YWHAE: variants seen among roughly 807,000 people sequenced by gnomAD.
YWHAE encodes the protein 14-3-3 protein epsilon.
YWHAE carries 4 observed loss-of-function variants against 30.1 expected under a neutral mutation model. That is an observed-to-expected ratio of 0.13 (90% CI 0.07 to 0.30). The LOEUF is 0.30. Ranked by LOEUF, YWHAE falls within the 10% of genes least tolerant of loss-of-function variation. The pLI, the probability that YWHAE is intolerant of heterozygous loss-of-function variation, is 1.00. For synonymous variants in YWHAE, 118 were observed against 111.8 expected (o/e 1.06, Z -0.35); for missense variants, 121 against 315.9 (o/e 0.38, Z 4.68).
chr17:1,345,465 C>A lies in YWHAE; in HGVS notation c.750G>T (p.Val250=), dbSNP rs754152426. The A allele has an allele frequency of 6.2e-7, 1 of 1,613,734 alleles. No individual in the cohort carries two copies. The change falls in exon 6 of 6, where the codon GTG becomes GTT. Residue 250 remains valine (V), a synonymous_variant. Coordinates refer to ENST00000264335, the MANE Select transcript of YWHAE (RefSeq NM_006761.5). ...TTATGTCTCACTGATTTTCGTCTTC[C>A]ACGTCCTGCAGCGCTTCTTTATTCT... ...EEQNKEALQD[V]EDENQ is the part of the protein sequence containing the mutation.
intron 5 of YWHAE, 135 bp from the exon 6 acceptor site, chr17:1,345,634 TC>T: frequency 1.2e-6 from 1 of 849,450 alleles, no homozygotes; most frequent in Non-Finnish European, 1.9e-6. Flanking sequence ...GCAAAGGACT[TC>T]TATCATCCTT....
intron 5 of YWHAE, 67 bp from the exon 6 acceptor site, chr17:1,345,566 A>C: frequency 6.6e-7 from 1 of 1,521,902 alleles, no homozygotes; most frequent in Non-Finnish European, 9.1e-7. Flanking sequence ...GCCACAAACA[A>C]AGGTGTCATT....
chr17:1,389,968 C>T (rs935184240), intron 1 of YWHAE, among the ~76,000 whole-genome samples: 56 of 151,996 alleles, frequency 3.7e-4, no homozygotes, highest in African/African-American at 1.0e-3. Flanking sequence ...CTCAGCCTCC[C>T]GAGGAGCTGG....
At chr17:1,369,023 A>T (rs1442114204) in intron 1 of YWHAE, among the ~76,000 whole-genome samples, 3 of 152,252 alleles carry the variant, frequency 2.0e-5, no homozygotes, top group African/African-American at 7.2e-5. Context: ...TATAATGCAA[A>T]GAGAAATATA....
intron 1 of YWHAE, among the ~76,000 whole-genome samples, chr17:1,387,725 C>T (rs1029796650): frequency 6.6e-6 from 1 of 151,922 alleles, no homozygotes. Context: ...CGAGTTCAAG[C>T]GATTCTGCTG....
At chr17:1,395,721 C>T (rs937788518) in intron 1 of YWHAE, among the ~76,000 whole-genome samples, 13 of 151,964 alleles carry the variant, frequency 8.6e-5, no homozygotes, top group Non-Finnish European at 1.6e-4. Context: ...CTATTTTTTT[C>T]CTAACAAGAC....
intron 1 of YWHAE, among the ~76,000 whole-genome samples, chr17:1,374,138 C>G (rs963764649): frequency 2.6e-5 from 4 of 151,998 alleles, no homozygotes; most frequent in Non-Finnish European, 5.9e-5. Context: ...CATGGCAAAA[C>G]CCCGTCTCTA....
At chr17:1,355,498 A>G (rs1400404546) in intron 4 of YWHAE, among the ~76,000 whole-genome samples, 2 of 151,998 alleles carry the variant, frequency 1.3e-5, no homozygotes, top group Non-Finnish European at 2.9e-5. Flanking sequence ...CTCAAAGTTT[A>G]AAAAAATTTA....
At chr17:1,381,686 C>T (rs909845017) in intron 1 of YWHAE, among the ~76,000 whole-genome samples, 11 of 151,936 alleles carry the variant, frequency 7.2e-5, no homozygotes, top group African/African-American at 2.4e-4. Flanking sequence ...GAGGCCAACG[C>T]GGGTGGATCG....
At chr17:1,359,809 TTGTTGTGTGTGTGTG>T (rs2150848123) in intron 4 of YWHAE, among the ~76,000 whole-genome samples, 1 of 117,464 alleles carries the variant, frequency 8.5e-6, no homozygotes, top group African/African-American at 3.4e-5. Flanking sequence ...TGCCACTAAA[TTGTTGTGTGTGTGTG>T]TGTGTGTGTG....
At chr17:1,361,710 AAAG>A (rs2072867738) in intron 3 of YWHAE, 189 bp downstream of exon 3, 1 of 512,518 alleles carries the variant, frequency 2.0e-6, no homozygotes, top group Non-Finnish European at 3.5e-6. Flanking sequence ...CACAAAAACA[AAAG>A]AATATAAATA....
chr17:1,383,328 C>A (rs574048730), intron 1 of YWHAE, among the ~76,000 whole-genome samples: 6 of 150,968 alleles, frequency 4.0e-5, no homozygotes, highest in Non-Finnish European at 7.4e-5. Flanking sequence ...CCAGCCTGGG[C>A]AACAAGAGCG....
At position 1,345,499 on chromosome 17, in the gene YWHAE, C is replaced by G; in HGVS notation, c.716G>C (p.Gly239Ala). The change falls in exon 6 of 6, where the codon GGT becomes GCT. Residue 239 changes from glycine to alanine, a missense_variant and splice_region_variant. Physicochemically the swap from Gly to Ala is moderately conservative, Grantham distance 60. Transcript: ENST00000264335. ...TLWTSDMQGD[G>A]EEQNKEALQD... The stretch of plus-strand genomic sequence containing the variant: ...CAGCGCTTCTTTATTCTGCTCTTCA[C>G]CTGTTAAAAAAGAAAAAAAGTCAAT... 6.2e-7 allele frequency: 1 copy of G among 1,613,564 alleles called. No individual in the cohort carries two copies. The highest frequency in any genetic ancestry group is 1.1e-5 in the South Asian group (1 of 91,062).
At chr17:1,357,209 C>G (rs1405169390) in intron 4 of YWHAE, among the ~76,000 whole-genome samples, 1 of 151,912 alleles carries the variant, frequency 6.6e-6, no homozygotes, top group Admixed American at 6.6e-5. Flanking sequence ...CGAGACCATC[C>G]TGGCTAACAC....
rs535783322 is a variant in YWHAE, at chr17:1,362,557, G to A, written c.265-549C>T. 7.9e-5 allele frequency among the ~76,000 whole-genome samples: 12 copies of A among 152,066 alleles called. No homozygotes were observed. The South Asian group carries it at 1.9e-3, about 24-fold the overall frequency. On this transcript the variant is annotated intron_variant, in intron 2 of 5. Transcript: ENST00000264335. ...GCAATTCCTTTAGTGGCAGAGATCCGTAACTATTAAAACACCGAAAACCTA... is the reference window on the plus strand; with the variant it reads ...GCAATTCCTTTAGTGGCAGAGATCCATAACTATTAAAACACCGAAAACCTA...
At chr17:1,392,071 A>G (rs1204637568) in intron 1 of YWHAE, among the ~76,000 whole-genome samples, 1 of 152,058 alleles carries the variant, frequency 6.6e-6, no homozygotes, top group East Asian at 1.9e-4. Flanking sequence ...GTGGTGGTAT[A>G]CTTCTGTAGC....
At position 1,345,511 on chromosome 17, in the gene YWHAE, G is replaced by C. The variant is rs754496126; in HGVS notation, c.716-12C>G. 107 of 1,612,318 alleles carry C rather than the reference G, an allele frequency of 6.6e-5. No individual in the cohort carries two copies. The South Asian group carries it at 1.1e-3, about 17-fold the overall frequency. ...ATTCTGCTCTTCACCTGTTAAAAAA[G>C]AAAAAAAGTCAATTATTTCGTATTG... On this transcript the variant is annotated splice_polypyrimidine_tract_variant and intron_variant, in intron 5 of 5. Transcript: ENST00000264335.
At chr17:1,394,436 C>CAAAAAAAAAAAAAAAAAAAAAAAAAAAAA (rs544115909) in intron 1 of YWHAE, among the ~76,000 whole-genome samples, 1 of 58,548 alleles carries the variant, frequency 1.7e-5, no homozygotes, top group African/African-American at 8.8e-5. Flanking sequence ...CTCAAATCCA[C>CAAAAAAAAAAAAAAAAAAAAAAAAAAAAA]AAAAAAAAAA....
At position 1,373,032 on chromosome 17, in the gene YWHAE, G is replaced by A. The variant is rs181834026; in HGVS notation, c.65-7974C>T. ...CAAGGCGGGCAGATCACATGAGGTC[G>A]GGAGTTCGAGACCACCTGACCAACA... is the stretch of plus-strand genomic sequence containing the variant. On this transcript the variant is annotated intron_variant, in intron 1 of 5. Coordinates refer to ENST00000264335, the MANE Select transcript of YWHAE (RefSeq NM_006761.5). Among the ~76,000 whole-genome samples the A allele has an allele frequency of 3.1e-4, 47 of 151,816 alleles. 1 individual carries two copies. Among genetic ancestry groups the A allele is most frequent in the Admixed American group, 6.6e-5 (1 of 15,238 alleles).
Sources: gnomAD v4.1 joint callset for allele counts (sites outside exome capture counted in the v4.1 genomes callset) on GRCh38, gnomAD v4.1.1 for gene constraint, MANE v1.5 for transcripts, NCBI Gene and HGNC (gene_info 2026-07-23, HGNC 2026-07-21) for gene names.